The following ARSG variants were observed in gnomAD, a reference collection of about 807,000 sequenced individuals.
The protein encoded by ARSG is arylsulfatase G, also known as ASG.
In ARSG, 37 loss-of-function variants were observed where a neutral mutation model predicts 50.5. That is an observed-to-expected ratio of 0.73 (90% CI 0.56 to 0.96). The LOEUF (loss-of-function observed/expected upper bound fraction) is 0.96, where lower values mean the gene tolerates loss of function less well. ARSG is among the 50% of genes least tolerant of loss of function. ARSG has a pLI of 0.00. For missense variants in ARSG, 629 were observed against 675.3 expected, an observed-to-expected ratio of 0.93 and a Z score of 0.76; for synonymous variants, 225 against 254.6, an observed-to-expected ratio of 0.88 and a Z score of 1.11.
At position 68,391,637 on chromosome 17, in the gene ARSG, A is replaced by C. The variant is rs114457355; in HGVS notation, c.1092-3436A>C. Among the ~76,000 whole-genome samples, 628 of 152,316 alleles carry C rather than the reference A, an allele frequency of 4.1e-3. 1 individual carries two copies. The highest frequency in any genetic ancestry group is 0.014 in the African/African-American group (584 of 41,570). On this transcript the variant is annotated intron_variant, in intron 9 of 11. Transcript: ENST00000621439. ...TGTGACGCTGATCTCTCTTAGGGGC[A>C]CAATTTAGAGAAAACTCGAGCAAAC... is the stretch of plus-strand genomic sequence containing the variant.
intron 1 of ARSG, among the ~76,000 whole-genome samples, chr17:68,280,707 A>G (rs75207217): frequency 0.015 from 2,353 of 152,332 alleles, 57 homozygotes; most frequent in African/African-American, 0.053. Context: ...TAGGGGAAAC[A>G]CTTTAGGACA....
At chr17:68,333,750 G>A (rs954749068) in intron 2 of ARSG, among the ~76,000 whole-genome samples, 6 of 152,056 alleles carry the variant, frequency 3.9e-5, no homozygotes, top group African/African-American at 1.4e-4. Context: ...AGTCTCAGGA[G>A]GAAGGGAACA....
intron 1 of ARSG, among the ~76,000 whole-genome samples, chr17:68,282,820 T>C (rs1361659801): frequency 2.6e-5 from 3 of 115,230 alleles, no homozygotes; most frequent in East Asian, 4.8e-4. Context: ...TGCTGGTGGG[T>C]GCCTGTAACC....
At chr17:68,427,258 T>C, downstream of ARSG, 1 of 1,608,818 alleles carries the variant, frequency 6.2e-7, no homozygotes, top group Non-Finnish European at 8.5e-7. Context: ...AGCAAGCTAC[T>C]TGTGACAATC....
intron 11 of ARSG, among the ~76,000 whole-genome samples, chr17:68,409,362 C>T (rs916623924): frequency 7.9e-4 from 111 of 141,396 alleles, no homozygotes; most frequent in Non-Finnish European, 8.7e-4. Context: ...TTCTCAGCAC[C>T]ATTTATTAAA....
chr17:68,370,361 C>T, intron 7 of ARSG, 83 bp from the exon 8 acceptor site: 1 of 1,257,160 alleles, frequency 8.0e-7, no homozygotes, highest in Non-Finnish European at 1.2e-6. Flanking sequence ...CTGCTCTGCG[C>T]AAGGGATATA....
chr17:68,284,103 C>CAAAAAA (rs1189737736), intron 1 of ARSG, among the ~76,000 whole-genome samples: 1 of 56,514 alleles, frequency 1.8e-5, no homozygotes, highest in East Asian at 6.1e-4. Context: ...GACTCTGTCT[C>CAAAAAA]AAAAAAAAAA....
the ARSG span, among the ~76,000 whole-genome samples, chr17:68,437,948 T>TAAAA: frequency 2.4e-4 from 19 of 78,798 alleles, no homozygotes; most frequent in African/African-American, 7.1e-4. Flanking sequence ...ACATCTCTCT[T>TAAAA]AAAAAAAAAA....
At chr17:68,370,113 C>G (rs1599918918) in intron 7 of ARSG, among the ~76,000 whole-genome samples, 1 of 152,196 alleles carries the variant, frequency 6.6e-6, no homozygotes, top group Non-Finnish European at 1.5e-5. Context: ...CTCCTGGGTT[C>G]AAGCGTTTTT....
intron 1 of ARSG, chr17:68,273,817 G>T: frequency 7.4e-7 from 1 of 1,348,944 alleles, no homozygotes; most frequent in Non-Finnish European, 1.0e-6. Flanking sequence ...TAATGTTAAA[G>T]AAAAAAAGAA....
intron 11 of ARSG, among the ~76,000 whole-genome samples, chr17:68,418,707 A>G (rs781563377): frequency 6.6e-6 from 1 of 152,164 alleles, no homozygotes; most frequent in Non-Finnish European, 1.5e-5. Flanking sequence ...CAGTGGAACC[A>G]TCCTAATCTC....
chr17:68,325,231 C>T (rs1298508238), intron 2 of ARSG, among the ~76,000 whole-genome samples: 2 of 151,994 alleles, frequency 1.3e-5, no homozygotes, highest in Admixed American at 6.6e-5. Flanking sequence ...CACAGGAGTG[C>T]GAGCCCTATT....
intron 2 of ARSG, among the ~76,000 whole-genome samples, chr17:68,335,148 C>T (rs1410315915): frequency 6.6e-6 from 1 of 152,108 alleles, no homozygotes; most frequent in African/African-American, 2.4e-5. Context: ...AGGTATGTAT[C>T]ACCACACCTG....
the ARSG span, chr17:68,434,656 A>G: frequency 6.2e-7 from 1 of 1,611,756 alleles, no homozygotes; most frequent in Non-Finnish European, 8.5e-7. Context: ...GACATTTCAT[A>G]ACCATTAGTG....
At chr17:68,283,666 T>C (rs931075719) in intron 1 of ARSG, among the ~76,000 whole-genome samples, 5 of 150,062 alleles carry the variant, frequency 3.3e-5, no homozygotes, top group Non-Finnish European at 5.9e-5. Flanking sequence ...ACTAACAAAC[T>C]ACAGAAATGA....
chr17:68,318,373 G>A lies in ARSG; in HGVS notation c.218+10662G>A, dbSNP rs79021412. 1.2e-4 allele frequency among the ~76,000 whole-genome samples: 19 copies of A among 152,336 alleles called. No homozygotes were observed. In the East Asian group the frequency reaches 3.7e-3, roughly 29 times the overall value. On this transcript the variant is annotated intron_variant, in intron 2 of 11. Transcript: ENST00000621439. The stretch of plus-strand genomic sequence containing the variant: ...TGCTGGTTTCACCTGTGATAAACAA[G>A]TGACATTATTTCTTGAAAATTCTCA...
chr17:68,261,634 C>T (rs1481798093), intron 1 of ARSG, among the ~76,000 whole-genome samples: 3 of 152,156 alleles, frequency 2.0e-5, no homozygotes, highest in African/African-American at 7.2e-5. Flanking sequence ...CCACCTTAGC[C>T]TCCCAAAGTG....
At chr17:68,398,156 C>T (rs2081326693) in intron 10 of ARSG, among the ~76,000 whole-genome samples, 1 of 152,158 alleles carries the variant, frequency 6.6e-6, no homozygotes. Context: ...TATGCATATG[C>T]ATGCTTATAC....
intron 1 of ARSG, chr17:68,273,930 AGAT>A: frequency 6.2e-7 from 1 of 1,614,102 alleles, no homozygotes; most frequent in Non-Finnish European, 8.5e-7. Context: ...CACTTACCAG[AGAT>A]GATGCCGATG....
Sources: gnomAD v4.1 joint callset for allele counts (sites outside exome capture counted in the v4.1 genomes callset) on GRCh38, gnomAD v4.1.1 for gene constraint, MANE v1.5 for transcripts, NCBI Gene and HGNC (gene_info 2026-07-23, HGNC 2026-07-21) for gene names.